The following STPG4 variants were observed in gnomAD, a reference collection of about 807,000 sequenced individuals.
The protein encoded by STPG4 is sperm-tail PG-rich repeat containing 4, also known as protein STPG4.
STPG4 carries 41 observed loss-of-function variants against 31.5 expected under a neutral mutation model. That is an observed-to-expected ratio of 1.30 (90% CI 1.01 to 1.69). The LOEUF (loss-of-function observed/expected upper bound fraction) is 1.69. Ranked by LOEUF, STPG4 falls within the 40% of genes most tolerant of loss-of-function variation. The probability of loss-of-function intolerance (pLI) is 0.00; values close to 1 mark genes in which losing one functional copy is unlikely to be tolerated. For missense variants in STPG4, 375 were observed against 293.4 expected (o/e 1.28, Z -2.03); for synonymous variants, 141 against 103.0 (o/e 1.37, Z -2.24).
At chr2:47,117,414 G>A (rs1686174926) in intron 5 of STPG4, among the ~76,000 whole-genome samples, 1 of 152,096 alleles carries the variant, frequency 6.6e-6, no homozygotes, top group South Asian at 2.1e-4. Flanking sequence ...TCTCCATGTT[G>A]GTCAGGCTGG....
At chr2:47,123,955 A>G (rs534661368) in intron 5 of STPG4, among the ~76,000 whole-genome samples, 88 of 152,108 alleles carry the variant, frequency 5.8e-4, no homozygotes, top group African/African-American at 2.0e-3. Context: ...AAACATGCCA[A>G]TTATACTCTT....
chr2:47,106,622 T>C lies in STPG4; in HGVS notation c.520-16248A>G, dbSNP rs1412294293. ...GCTGAAAAAGGAGGACTCTGCACCTTCTTAGGGGAAGAGTGTTGTTTTTAC... is the reference window on the plus strand; with the variant it reads ...GCTGAAAAAGGAGGACTCTGCACCTCCTTAGGGGAAGAGTGTTGTTTTTAC... On this transcript the variant is annotated intron_variant, in intron 5 of 6. Transcript: ENST00000445927. Among the ~76,000 whole-genome samples, 3 of 151,932 alleles carry C rather than the reference T, an allele frequency of 2.0e-5. 1 individual carries two copies. Among genetic ancestry groups the C allele is most frequent in the African/African-American group, 7.3e-5 (3 of 41,244 alleles).
chr2:47,110,026 A>T (rs1017487831), intron 5 of STPG4, among the ~76,000 whole-genome samples: 4 of 146,042 alleles, frequency 2.7e-5, no homozygotes, highest in African/African-American at 1.1e-4. Flanking sequence ...CAGAAACGAA[A>T]TATTTCTGAC....
At chr2:47,130,633 C>T (rs907013568) in intron 3 of STPG4, among the ~76,000 whole-genome samples, 2 of 151,962 alleles carry the variant, frequency 1.3e-5, no homozygotes, top group African/African-American at 2.4e-5. Flanking sequence ...CTCTGCCTCA[C>T]CCTCCCGAGT....
At chr2:47,105,067 T>C (rs1401365272) in intron 5 of STPG4, among the ~76,000 whole-genome samples, 1 of 151,922 alleles carries the variant, frequency 6.6e-6, no homozygotes, top group African/African-American at 2.4e-5. Context: ...TCTAGTAGAA[T>C]GGCAACCAGA....
intron 5 of STPG4, among the ~76,000 whole-genome samples, chr2:47,126,297 C>CTTCTTCT (rs552722024): frequency 6.6e-6 from 1 of 151,490 alleles, no homozygotes; most frequent in Non-Finnish European, 1.5e-5. Context: ...TCCTCTTCCT[C>CTTCTTCT]TTCTTCTTTC....
At chr2:47,115,657 T>A (rs1311064882) in intron 5 of STPG4, among the ~76,000 whole-genome samples, 1 of 146,878 alleles carries the variant, frequency 6.8e-6, no homozygotes, top group Non-Finnish European at 1.5e-5. Flanking sequence ...AAAGGCTTTT[T>A]TTTTTTTTTT....
chr2:47,105,573 C>A (rs930159912), intron 5 of STPG4, among the ~76,000 whole-genome samples: 1 of 152,046 alleles, frequency 6.6e-6, no homozygotes, highest in Non-Finnish European at 1.5e-5. Context: ...CTTACGCTGC[C>A]TGAGATGATC....
intron 5 of STPG4, among the ~76,000 whole-genome samples, chr2:47,115,683 C>A (rs1197217013): frequency 8.3e-6 from 1 of 120,892 alleles, no homozygotes; most frequent in Admixed American, 1.2e-4. Context: ...GACAGAGTCT[C>A]GCTGTGTCAC....
At chr2:47,132,119 C>G (rs757281524) in intron 3 of STPG4, among the ~76,000 whole-genome samples, 10 of 150,154 alleles carry the variant, frequency 6.7e-5, no homozygotes, top group African/African-American at 9.8e-5. Flanking sequence ...GAGCCAAGAT[C>G]GTGCCACTGG....
At position 47,130,219 on chromosome 2, in the gene STPG4, T is replaced by C; in HGVS notation, c.441A>G (p.Ala147=). 6.2e-7 allele frequency: 1 copy of C among 1,614,092 alleles called. No individual in the cohort carries two copies. The change falls in exon 4 of 7, where the codon GCA becomes GCG. Residue 147 remains alanine (A), a synonymous_variant. Transcript: ENST00000445927. ...ACCTGGAAGCATATTTGGGAACTGGTGCAGGAAGCACGTTGTATTGCCCCG... is the reference window on the plus strand; with the variant it reads ...ACCTGGAAGCATATTTGGGAACTGGCGCAGGAAGCACGTTGTATTGCCCCG... ...LSPGQYNVLP[A]PVPKYASRSC... is the part of the protein sequence containing the mutation.
intron 5 of STPG4, among the ~76,000 whole-genome samples, chr2:47,115,081 C>G (rs1020849925): frequency 2.0e-5 from 3 of 152,092 alleles, no homozygotes; most frequent in African/African-American, 7.2e-5. Flanking sequence ...TTCTTTTCTT[C>G]TACAGCCTTT....
chr2:47,139,055 T>C (rs1038504100), intron 3 of STPG4, among the ~76,000 whole-genome samples: 4 of 152,174 alleles, frequency 2.6e-5, no homozygotes, highest in Non-Finnish European at 4.4e-5. Context: ...CTGGAGGAAA[T>C]GTGTATTCTG....
At chr2:47,093,567 A>G (rs1236376899) in intron 5 of STPG4, among the ~76,000 whole-genome samples, 4 of 152,134 alleles carry the variant, frequency 2.6e-5, no homozygotes, top group African/African-American at 9.7e-5. Context: ...ATGGCTAAGG[A>G]GCGACCTGCC....
intron 5 of STPG4, among the ~76,000 whole-genome samples, chr2:47,112,650 A>G (rs1686065357): frequency 1.3e-5 from 2 of 152,230 alleles, no homozygotes; most frequent in African/African-American, 2.4e-5. Flanking sequence ...CACCAGATCT[A>G]CAGCTCAGAT....
chr2:47,102,364 G>C (rs1157229786), intron 5 of STPG4, among the ~76,000 whole-genome samples: 1 of 151,818 alleles, frequency 6.6e-6, no homozygotes, highest in Non-Finnish European at 1.5e-5. Flanking sequence ...GGACCAATTT[G>C]ACCCATAAAC....
At chr2:47,120,309 C>T (rs774973758) in intron 5 of STPG4, among the ~76,000 whole-genome samples, 15 of 152,010 alleles carry the variant, frequency 9.9e-5, no homozygotes, top group Non-Finnish European at 1.8e-4. Flanking sequence ...CCAACGTGGG[C>T]GACAGAGTGA....
At chr2:47,133,393 T>C (rs1254037734) in intron 3 of STPG4, among the ~76,000 whole-genome samples, 1 of 151,696 alleles carries the variant, frequency 6.6e-6, no homozygotes, top group East Asian at 1.9e-4. Flanking sequence ...TCTCAAACTC[T>C]TGGGCTCAAG....
intron 1 of STPG4, 75 bp downstream of exon 1, chr2:47,155,096 G>C (rs1342975809): frequency 8.5e-6 from 12 of 1,415,324 alleles, no homozygotes; most frequent in Non-Finnish European, 1.2e-5. Context: ...CCTGGGATTA[G>C]AGAGCGGTGG....
Sources: allele counts gnomAD v4.1 joint callset (sites outside exome capture counted in the v4.1 genomes callset), GRCh38; gene constraint gnomAD v4.1.1; transcripts MANE v1.5; gene names NCBI Gene and HGNC (gene_info 2026-07-23, HGNC 2026-07-21).